Variants in CACNA2D3 observed in about 807,000 individuals in gnomAD.
CACNA2D3 encodes the protein voltage-dependent calcium channel subunit alpha-2/delta-3.
CACNA2D3 carries 60 observed loss-of-function variants against 160.6 expected under a neutral mutation model. The observed-to-expected ratio is 0.37, with a 90% CI of 0.30 to 0.46. The LOEUF is 0.46. Among genes scored for constraint, CACNA2D3 ranks in the 20% least tolerant of loss-of-function variants. The pLI, the probability that CACNA2D3 is intolerant of heterozygous loss-of-function variation, is 1.00. For missense variants in CACNA2D3, 1,205 were observed against 1,365.0 expected, an observed-to-expected ratio of 0.88 and a Z score of 1.85; for synonymous variants, 558 against 492.9, an observed-to-expected ratio of 1.13 and a Z score of -1.75.
chr3:54,164,458 C>T (rs563469245), intron 2 of CACNA2D3, among the ~76,000 whole-genome samples: 1 of 152,380 alleles, frequency 6.6e-6, no homozygotes, highest in African/African-American at 2.4e-5. Context: ...CCTCGGGGGA[C>T]TCCCCTGGAA....
intron 21 of CACNA2D3, 21 bp from the exon 22 acceptor site, chr3:54,885,260 C>G (rs771892931): frequency 6.8e-5 from 109 of 1,613,258 alleles, no homozygotes; most frequent in Non-Finnish European, 9.2e-5. Flanking sequence ...TATTCATGAA[C>G]CCCTTCTCCT....
At chr3:54,734,611 G>C (rs780615234) in intron 11 of CACNA2D3, among the ~76,000 whole-genome samples, 3 of 152,128 alleles carry the variant, frequency 2.0e-5, no homozygotes, top group Non-Finnish European at 4.4e-5. Context: ...TTTCATTTGG[G>C]GATGCTCGAA....
intron 9 of CACNA2D3, among the ~76,000 whole-genome samples, chr3:54,600,522 A>G (rs994095075): frequency 6.6e-6 from 1 of 152,180 alleles, no homozygotes; most frequent in African/African-American, 2.4e-5. Flanking sequence ...AGCACAGATC[A>G]GTATGCCCCG....
At position 54,307,784 on chromosome 3, in the gene CACNA2D3, C is replaced by T. The variant is rs116453362; in HGVS notation, c.205-12658C>T. Among the ~76,000 whole-genome samples, 17 of 152,246 alleles carry T rather than the reference C, an allele frequency of 1.1e-4. No individual in the cohort carries two copies. In the South Asian group the frequency reaches 3.5e-3, roughly 32 times the overall value. ...TGCAGACTCATTCATTGATGGCCTT[C>T]GATTTCCAGGACATCTTGGATATAG... On this transcript the variant is annotated intron_variant, in intron 2 of 37. Transcript: ENST00000474759.
chr3:54,403,393 A>G (rs1017983888), intron 4 of CACNA2D3, among the ~76,000 whole-genome samples: 17 of 146,430 alleles, frequency 1.2e-4, no homozygotes, highest in Non-Finnish European at 2.0e-4. Context: ...ACACACACAC[A>G]CACACGCACA....
At chr3:54,223,850 T>TAAAA (rs1577009588) in intron 2 of CACNA2D3, among the ~76,000 whole-genome samples, 1 of 75,054 alleles carries the variant, frequency 1.3e-5, no homozygotes, top group African/African-American at 5.1e-5. Flanking sequence ...AGACTCTGTC[T>TAAAA]CAAAAAAAAA....
intron 9 of CACNA2D3, among the ~76,000 whole-genome samples, chr3:54,586,203 G>T (rs1334647803): frequency 6.8e-6 from 1 of 146,190 alleles, no homozygotes; most frequent in Non-Finnish European, 1.5e-5. Flanking sequence ...GGTGGAGGTT[G>T]CAGTGAGCCG....
At chr3:54,264,146 C>T (rs375666393) in intron 2 of CACNA2D3, among the ~76,000 whole-genome samples, 29 of 152,254 alleles carry the variant, frequency 1.9e-4, no homozygotes, top group African/African-American at 6.3e-4. Context: ...TTAACATAAT[C>T]GGCTCTGGTG....
intron 2 of CACNA2D3, among the ~76,000 whole-genome samples, chr3:54,179,354 C>G (rs1700737658): frequency 6.6e-6 from 1 of 152,100 alleles, no homozygotes; most frequent in Non-Finnish European, 1.5e-5. Flanking sequence ...TTCTGGCTCT[C>G]CCAGAAGAAG....
At chr3:54,345,009 T>A (rs139960722) in intron 3 of CACNA2D3, among the ~76,000 whole-genome samples, 183 of 152,280 alleles carry the variant, frequency 1.2e-3, no homozygotes, top group African/African-American at 4.1e-3. Flanking sequence ...AGTTTACAAT[T>A]GCCATGGCAA....
intron 24 of CACNA2D3, among the ~76,000 whole-genome samples, chr3:54,888,594 A>G (rs906873801): frequency 2.0e-5 from 3 of 152,180 alleles, no homozygotes; most frequent in African/African-American, 7.2e-5. Context: ...TAAGTAGACT[A>G]TTAAAGATTA....
intron 34 of CACNA2D3, among the ~76,000 whole-genome samples, chr3:55,015,557 T>C (rs942060612): frequency 2.0e-5 from 3 of 152,268 alleles, no homozygotes; most frequent in Non-Finnish European, 2.9e-5. Flanking sequence ...TATTGTATAC[T>C]TAAATCTTTA....
At position 54,743,087 on chromosome 3, in the gene CACNA2D3, A is replaced by G. The variant is rs1385977024; in HGVS notation, c.1168-9512A>G. On this transcript the variant is annotated intron_variant, in intron 11 of 37. Coordinates refer to ENST00000474759, the MANE Select transcript of CACNA2D3 (RefSeq NM_018398.3). Reference sequence around the variant, plus strand: ...ATGCTGATAAATTCAAGTATGTCCCATGCTGACTTCCCTTAATTTCCCAAA... The same window carrying G: ...ATGCTGATAAATTCAAGTATGTCCCGTGCTGACTTCCCTTAATTTCCCAAA... Among the ~76,000 whole-genome samples, 3 of 152,238 alleles carry G rather than the reference A, an allele frequency of 2.0e-5. No individual in the cohort carries two copies. In the East Asian group the frequency reaches 5.8e-4, roughly 29 times the overall value.
intron 4 of CACNA2D3, among the ~76,000 whole-genome samples, chr3:54,479,068 G>C (rs1700890071): frequency 6.6e-6 from 1 of 151,974 alleles, no homozygotes. Flanking sequence ...GAGGGACCCA[G>C]TGGGAGGCAA....
intron 35 of CACNA2D3, among the ~76,000 whole-genome samples, chr3:55,034,364 G>A: frequency 6.6e-6 from 1 of 151,718 alleles, no homozygotes; most frequent in East Asian, 1.9e-4. Context: ...GTCTAATTAT[G>A]TCCTTACTTC....
chr3:54,221,524 T>C (rs1701572187), intron 2 of CACNA2D3, among the ~76,000 whole-genome samples: 1 of 152,252 alleles, frequency 6.6e-6, no homozygotes. Flanking sequence ...AGAGAGTTAA[T>C]CCAAATTGAA....
intron 13 of CACNA2D3, among the ~76,000 whole-genome samples, chr3:54,802,670 T>C (rs1412930602): frequency 1.3e-5 from 2 of 152,056 alleles, no homozygotes; most frequent in Non-Finnish European, 2.9e-5. Flanking sequence ...TCTGCAGACT[T>C]AAATGTCCCT....
rs527815100 is a variant in CACNA2D3 at position 54,358,749 on chromosome 3, C to T, written c.322-27966C>T. ...TGGGAAATTGTCTATGAATCAAAAA[C>T]GCAGCAAATTGGATATCAACCAGAT... On this transcript the variant is annotated intron_variant, in intron 3 of 37. Transcript: ENST00000474759. 6.6e-5 allele frequency among the ~76,000 whole-genome samples: 10 copies of T among 152,264 alleles called. No individual in the cohort carries two copies. In the South Asian group the frequency reaches 8.3e-4, roughly 13 times the overall value.
At chr3:54,447,010 T>A (rs531693231) in intron 4 of CACNA2D3, among the ~76,000 whole-genome samples, 26 of 152,262 alleles carry the variant, frequency 1.7e-4, no homozygotes, top group African/African-American at 6.0e-4. Context: ...GGCATTGACA[T>A]CTTGTTAACT....
Sources: allele counts gnomAD v4.1 joint callset (sites outside exome capture counted in the v4.1 genomes callset), GRCh38; gene constraint gnomAD v4.1.1; transcripts MANE v1.5; gene names NCBI Gene and HGNC (gene_info 2026-07-23, HGNC 2026-07-21).